RAB31: variants seen among roughly 807,000 people sequenced by gnomAD.
RAB31 encodes RAB31, member RAS oncogene family, also known as ras-related protein Rab-31.
RAB31 carries 21 observed loss-of-function variants against 25.6 expected under a neutral mutation model. That is an observed-to-expected ratio of 0.82 (90% CI 0.58 to 1.18). The LOEUF (loss-of-function observed/expected upper bound fraction) is 1.18. Among genes scored for constraint, RAB31 ranks in the 50% most tolerant of loss-of-function variants. The pLI is 0.00. For synonymous variants in RAB31, 87 were observed against 84.0 expected, an observed-to-expected ratio of 1.04 and a Z score of -0.20; for missense variants, 196 against 250.1, an observed-to-expected ratio of 0.78 and a Z score of 1.46.
chr18:9,734,987 G>A (rs955888207), intron 1 of RAB31: 2 of 230,614 alleles, frequency 8.7e-6, no homozygotes, highest in Admixed American at 9.3e-5. Context: ...CCTCTTGGTG[G>A]TGGCGGTGGT....
intron 1 of RAB31, chr18:9,723,554 A>C (rs552254748): frequency 6.6e-6 from 1 of 152,300 alleles, no homozygotes; most frequent in South Asian, 2.1e-4. Flanking sequence ...GTGTTTTGTA[A>C]CAGAACACCT....
At chr18:9,749,380 G>A (rs1026737115) in intron 1 of RAB31, among the ~76,000 whole-genome samples, 8 of 152,188 alleles carry the variant, frequency 5.3e-5, no homozygotes, top group African/African-American at 7.2e-5. Flanking sequence ...GGGAACGGAA[G>A]TGCAGGGACA....
intron 1 of RAB31, among the ~76,000 whole-genome samples, chr18:9,742,739 T>C (rs537451441): frequency 4.6e-5 from 7 of 152,344 alleles, no homozygotes; most frequent in Admixed American, 4.6e-4. Context: ...CCTTCTCTTT[T>C]ACTCATGAGC....
At position 9,768,516 on chromosome 18, in the gene RAB31, T is replaced by C. The variant is rs1459845780; in HGVS notation, c.40-6762T>C. 2.6e-5 allele frequency among the ~76,000 whole-genome samples: 4 copies of C among 152,240 alleles called. No homozygotes were observed. In the East Asian group the frequency reaches 7.7e-4, roughly 29 times the overall value. On this transcript the variant is annotated intron_variant, in intron 1 of 6. Transcript: ENST00000578921. ...AATGTCTTTTTTTGAGAAGTGTCTGTTCATATCCTTTGCCCACTTTTTGAT... is the reference window on the plus strand; with the variant it reads ...AATGTCTTTTTTTGAGAAGTGTCTGCTCATATCCTTTGCCCACTTTTTGAT...
At chr18:9,790,171 A>G (rs551220785) in intron 2 of RAB31, among the ~76,000 whole-genome samples, 88 of 152,326 alleles carry the variant, frequency 5.8e-4, no homozygotes, top group Non-Finnish European at 9.4e-4. Flanking sequence ...ATCAGTGATA[A>G]TATCTTGCAT....
At chr18:9,718,022 G>A (rs911341204) in intron 1 of RAB31, among the ~76,000 whole-genome samples, 38 of 151,874 alleles carry the variant, frequency 2.5e-4, no homozygotes, top group African/African-American at 9.0e-4. Context: ...AGCCTCCCGA[G>A]TAGCTGGGAC....
intron 1 of RAB31, among the ~76,000 whole-genome samples, chr18:9,715,336 C>G (rs2068038447): frequency 6.6e-6 from 1 of 151,968 alleles, no homozygotes; most frequent in African/African-American, 2.4e-5. Context: ...CCCTCCCAGC[C>G]TGCCCACTCT....
chr18:9,713,387 T>C (rs2068027704), intron 1 of RAB31, among the ~76,000 whole-genome samples: 1 of 152,160 alleles, frequency 6.6e-6, no homozygotes, highest in African/African-American at 2.4e-5. Flanking sequence ...AATTGAACCA[T>C]TTGTGGAAAG....
chr18:9,713,352 C>T (rs1450781236), intron 1 of RAB31, among the ~76,000 whole-genome samples: 2 of 152,138 alleles, frequency 1.3e-5, no homozygotes, highest in Non-Finnish European at 2.9e-5. Context: ...GCATTTATTT[C>T]TTGGCACAAC....
chr18:9,824,016 T>C (rs1026378438), intron 5 of RAB31, among the ~76,000 whole-genome samples: 15 of 152,236 alleles, frequency 9.9e-5, no homozygotes, highest in Non-Finnish European at 1.5e-4. Flanking sequence ...TTCTGCCTGC[T>C]GATATAACTT....
At chr18:9,781,257 T>G (rs2068402815) in intron 2 of RAB31, among the ~76,000 whole-genome samples, 1 of 152,236 alleles carries the variant, frequency 6.6e-6, no homozygotes, top group Non-Finnish European at 1.5e-5. Context: ...TTCTCGTAGC[T>G]TAATGTTTCT....
At chr18:9,818,204 AAT>A (rs2068608464) in intron 5 of RAB31, among the ~76,000 whole-genome samples, 1 of 152,226 alleles carries the variant, frequency 6.6e-6, no homozygotes, top group South Asian at 2.1e-4. Flanking sequence ...TTAAACATTT[AAT>A]ATGTTGTATT....
intron 5 of RAB31, among the ~76,000 whole-genome samples, chr18:9,825,195 A>AAG (rs2068643898): frequency 6.6e-6 from 1 of 152,246 alleles, no homozygotes; most frequent in Non-Finnish European, 1.5e-5. Context: ...TTGCCTGGTC[A>AAG]AGATGGCAGG....
intron 1 of RAB31, among the ~76,000 whole-genome samples, chr18:9,759,763 G>A (rs1327780055): frequency 2.0e-5 from 3 of 152,072 alleles, no homozygotes; most frequent in Admixed American, 2.0e-4. Context: ...CAACTTGAAT[G>A]GAAAGTTTAA....
intron 2 of RAB31, among the ~76,000 whole-genome samples, chr18:9,780,175 CA>C (rs11338062): frequency 0.18 from 19,127 of 105,964 alleles, 1,666 homozygotes; most frequent in African/African-American, 0.33. Context: ...AATACTGTTC[CA>C]AAAAAAAAAA....
chr18:9,792,249 G>GT lies in RAB31; in HGVS notation c.201+20dup, dbSNP rs766983488. The stretch of plus-strand genomic sequence containing the variant: ...GGTCAGGAACGGGTGAGTATATGCT[G>GT]TTTTTTGGTGAAAACAAGATCCAGT... On this transcript the variant is annotated intron_variant, in intron 3 of 6. Coordinates refer to ENST00000578921, the MANE Select transcript of RAB31 (RefSeq NM_006868.4). The GT allele has an allele frequency of 2.6e-5, 42 of 1,604,520 alleles. No homozygotes were observed. The highest frequency in any genetic ancestry group is 1.8e-4 in the South Asian group (16 of 89,080).
intron 1 of RAB31, among the ~76,000 whole-genome samples, chr18:9,734,114 G>GGGAGGGAGGGAA (rs2068137863): frequency 6.9e-6 from 1 of 145,486 alleles, no homozygotes; most frequent in Non-Finnish European, 1.5e-5. Flanking sequence ...GAGGGAGGGA[G>GGGAGGGAGGGAA]GGAGGGAGGG....
intron 2 of RAB31, among the ~76,000 whole-genome samples, chr18:9,781,341 A>T (rs180707829): frequency 6.6e-6 from 1 of 152,226 alleles, no homozygotes; most frequent in East Asian, 1.9e-4. Context: ...TATTTGAGAC[A>T]GAGTCTTCTC....
chr18:9,739,063 A>G (rs1437059612), intron 1 of RAB31, among the ~76,000 whole-genome samples: 3 of 152,248 alleles, frequency 2.0e-5, no homozygotes, highest in Non-Finnish European at 4.4e-5. Flanking sequence ...CTCAGGTGGC[A>G]TGTTCCAAAT....
Sources: allele counts gnomAD v4.1 joint callset (sites outside exome capture counted in the v4.1 genomes callset), GRCh38; gene constraint gnomAD v4.1.1; transcripts MANE v1.5; gene names NCBI Gene and HGNC (gene_info 2026-07-23, HGNC 2026-07-21).